PNPT1: variants seen among roughly 807,000 people sequenced by gnomAD.
PNPT1 encodes the protein polyribonucleotide nucleotidyltransferase 1, mitochondrial.
Under a neutral mutation model 119.5 loss-of-function variants are expected in PNPT1, and 53 were observed. That is an observed-to-expected ratio of 0.44 (90% CI 0.36 to 0.56). The LOEUF is 0.56. Among genes scored for constraint, PNPT1 ranks in the 20% least tolerant of loss-of-function variants. The pLI, the probability that PNPT1 is intolerant of heterozygous loss-of-function variation, is 0.00. For missense variants in PNPT1, 948 were observed against 938.5 expected, an observed-to-expected ratio of 1.01 and a Z score of -0.13; for synonymous variants, 357 against 322.1, an observed-to-expected ratio of 1.11 and a Z score of -1.16.
At chr2:55,665,751 G>C (rs1696712963) in intron 13 of PNPT1, among the ~76,000 whole-genome samples, 2 of 152,150 alleles carry the variant, frequency 1.3e-5, no homozygotes, top group African/African-American at 4.8e-5. Flanking sequence ...AGCCTCACTA[G>C]TAATCAGGAA....
chr2:55,660,128 A>T (rs1180338438), intron 15 of PNPT1, 29 bp downstream of exon 15: 2 of 1,552,126 alleles, frequency 1.3e-6, no homozygotes, highest in Non-Finnish European at 1.7e-6. Context: ...ATTTATTAAT[A>T]AAATTTTGAG....
intron 3 of PNPT1, among the ~76,000 whole-genome samples, chr2:55,685,866 A>G (rs1697390160): frequency 1.3e-5 from 2 of 152,210 alleles, no homozygotes; most frequent in Admixed American, 6.5e-5. Context: ...AATCATCTCT[A>G]GATTACATAT....
intron 19 of PNPT1, among the ~76,000 whole-genome samples, chr2:55,646,995 C>G (rs1280545860): frequency 6.6e-6 from 1 of 152,014 alleles, no homozygotes; most frequent in Non-Finnish European, 1.5e-5. Context: ...GCCACCATGC[C>G]CAGGCTAATT....
intron 19 of PNPT1, among the ~76,000 whole-genome samples, 154 bp from the exon 20 acceptor site, chr2:55,646,640 T>G (rs978101595): frequency 6.6e-6 from 1 of 152,222 alleles, no homozygotes; most frequent in African/African-American, 2.4e-5. Context: ...CCACTTCCAA[T>G]TTGTGACTTT....
chr2:55,675,368 G>T (rs1243365697), intron 8 of PNPT1, among the ~76,000 whole-genome samples: 1 of 151,030 alleles, frequency 6.6e-6, no homozygotes, highest in Non-Finnish European at 1.5e-5. Flanking sequence ...CAGGAGGATT[G>T]CTTGAGGCCA....
intron 11 of PNPT1, among the ~76,000 whole-genome samples, chr2:55,670,107 T>C (rs575194649): frequency 6.3e-4 from 95 of 151,906 alleles, no homozygotes; most frequent in Non-Finnish European, 1.2e-3. Context: ...ATTTGTCTAT[T>C]AGAAAAATTA....
intron 18 of PNPT1, among the ~76,000 whole-genome samples, chr2:55,648,372 G>T (rs1028907894): frequency 2.6e-5 from 4 of 152,148 alleles, no homozygotes; most frequent in African/African-American, 9.7e-5. Context: ...AAGTGCGATT[G>T]CTGAGTCAAA....
intron 14 of PNPT1, among the ~76,000 whole-genome samples, chr2:55,661,221 T>G (rs570183275): frequency 6.7e-6 from 1 of 150,004 alleles, no homozygotes; most frequent in African/African-American, 2.5e-5. Flanking sequence ...GCTTCCCGAG[T>G]AGCTGGGACT....
At chr2:55,686,043 G>A (rs949314763) in intron 3 of PNPT1, among the ~76,000 whole-genome samples, 5 of 152,136 alleles carry the variant, frequency 3.3e-5, no homozygotes, top group Non-Finnish European at 7.3e-5. Flanking sequence ...AGGACATGGA[G>A]GGCTGACTGT....
intron 25 of PNPT1, among the ~76,000 whole-genome samples, chr2:55,641,207 A>C (rs933042258): frequency 1.3e-5 from 2 of 152,086 alleles, no homozygotes; most frequent in Non-Finnish European, 2.9e-5. Flanking sequence ...CTGGCAACAG[A>C]GTGAGACTCC....
At chr2:55,657,704 A>G (rs1195088415) in intron 15 of PNPT1, among the ~76,000 whole-genome samples, 8 of 151,806 alleles carry the variant, frequency 5.3e-5, no homozygotes, top group Admixed American at 2.6e-4. Context: ...TGGAGCAGGA[A>G]TCTGATTAAA....
At chr2:55,648,434 A>G (rs1167481145) in intron 18 of PNPT1, among the ~76,000 whole-genome samples, 2 of 152,240 alleles carry the variant, frequency 1.3e-5, no homozygotes, top group African/African-American at 4.8e-5. Flanking sequence ...CTAAAGACAT[A>G]GCATTTTAAA....
At chr2:55,687,124 G>A (rs1203790053) in intron 2 of PNPT1, among the ~76,000 whole-genome samples, 1 of 148,608 alleles carries the variant, frequency 6.7e-6, no homozygotes, top group Non-Finnish European at 1.5e-5. Context: ...TGAGGCAGGA[G>A]AATGGCGTGA....
chr2:55,686,871 T>A lies in PNPT1; in HGVS notation c.223-427A>T, dbSNP rs543628503. Among the ~76,000 whole-genome samples, 82 of 152,228 alleles carry A rather than the reference T, an allele frequency of 5.4e-4. No individual in the cohort carries two copies. In the Middle Eastern group the frequency reaches 0.01, roughly 19 times the overall value. ...ACGGCTGGGCACGGTCGCTCACACT[T>A]GTAATTGCAGCACTTTGCGGGGGCA... On this transcript the variant is annotated intron_variant, in intron 2 of 27. Transcript: ENST00000447944.
chr2:55,649,489 A>G (rs1046731038), intron 18 of PNPT1, among the ~76,000 whole-genome samples: 1 of 152,146 alleles, frequency 6.6e-6, no homozygotes, highest in East Asian at 1.9e-4. Flanking sequence ...ATATTAAAAT[A>G]CCTATTGTAA....
At position 55,656,385 on chromosome 2, in the gene PNPT1, A is replaced by C. The variant is rs780346763; in HGVS notation, c.1285-14T>G. 7 of 1,579,382 alleles carry C rather than the reference A, an allele frequency of 4.4e-6. No homozygotes were observed. The highest frequency in any genetic ancestry group is 2.7e-5 in the African/African-American group (2 of 72,806). On this transcript the variant is annotated splice_polypyrimidine_tract_variant and intron_variant, in intron 15 of 27. Transcript: ENST00000447944. ...ATAAGGAGGAAACTTAAAAAAAAAAAAACACAAACACACATATACAATTGA... is the reference window on the plus strand; with the variant it reads ...ATAAGGAGGAAACTTAAAAAAAAAACAACACAAACACACATATACAATTGA...
At chr2:55,661,915 ACAT>A in intron 14 of PNPT1, 38 bp downstream of exon 14, 1 of 1,476,616 alleles carries the variant, frequency 6.8e-7, no homozygotes, top group East Asian at 2.4e-5. Context: ...ATATAATAGA[ACAT>A]CATAAAACGT....
intron 12 of PNPT1, 114 bp from the exon 13 acceptor site, chr2:55,667,207 G>A: frequency 1.4e-6 from 1 of 710,292 alleles, no homozygotes; most frequent in Non-Finnish European, 2.4e-6. Context: ...ATCCCCTGTG[G>A]AACTTTAAAA....
chr2:55,674,789 T>G (rs1051729630), intron 8 of PNPT1, among the ~76,000 whole-genome samples: 1 of 152,122 alleles, frequency 6.6e-6, no homozygotes, highest in Non-Finnish European at 1.5e-5. Context: ...GAAATAAGGT[T>G]TCCATATTTT....
Sources: gnomAD v4.1 joint callset for allele counts (sites outside exome capture counted in the v4.1 genomes callset) on GRCh38, gnomAD v4.1.1 for gene constraint, MANE v1.5 for transcripts, NCBI Gene and HGNC (gene_info 2026-07-23, HGNC 2026-07-21) for gene names.